The following RELN variants were observed in gnomAD, a reference collection of about 807,000 sequenced individuals.
The protein encoded by RELN is reelin.
In RELN, 108 loss-of-function variants were observed where a neutral mutation model predicts 427.6. The observed-to-expected ratio is 0.25, with a 90% CI of 0.22 to 0.30. The LOEUF is 0.30. Among genes scored for constraint, RELN ranks in the 10% least tolerant of loss-of-function variants. RELN has a pLI of 1.00. For synonymous variants in RELN, 1,524 were observed against 1,513.4 expected, an observed-to-expected ratio of 1.01 and a Z score of -0.16; for missense variants, 3,715 against 4,302.8, an observed-to-expected ratio of 0.86 and a Z score of 3.82.
At chr7:103,789,171 T>C (rs116251980) in intron 3 of RELN, among the ~76,000 whole-genome samples, 3,058 of 152,174 alleles carry the variant, frequency 0.02, 99 homozygotes, top group African/African-American at 0.067. Flanking sequence ...CTTTCTTACA[T>C]CTTACACAAA....
At chr7:103,712,881 G>T (rs1383437144) in intron 8 of RELN, among the ~76,000 whole-genome samples, 1 of 148,796 alleles carries the variant, frequency 6.7e-6, no homozygotes, top group Non-Finnish European at 1.5e-5. Context: ...GTTTTGGGTA[G>T]TTTTTTTTTT....
chr7:103,776,224 C>G (rs1276301630), intron 4 of RELN, among the ~76,000 whole-genome samples: 1 of 152,034 alleles, frequency 6.6e-6, no homozygotes, highest in African/African-American at 2.4e-5. Context: ...TTCAACAAAG[C>G]TGACAGGATA....
chr7:103,551,923 C>CTG (rs540905474), intron 40 of RELN, among the ~76,000 whole-genome samples: 178 of 130,954 alleles, frequency 1.4e-3, no homozygotes, highest in Non-Finnish European at 2.3e-3. Flanking sequence ...TAGTTACCTT[C>CTG]TGTGTGTGTG....
At chr7:103,557,285 C>A in intron 37 of RELN, 126 bp from the exon 38 acceptor site, 2 of 818,076 alleles carry the variant, frequency 2.4e-6, no homozygotes, top group Non-Finnish European at 4.0e-6. Context: ...CTTTATAGTC[C>A]AAATGCTTCA....
intron 59 of RELN, 94 bp from the exon 60 acceptor site, chr7:103,489,993 G>T: frequency 1.4e-6 from 2 of 1,445,746 alleles, no homozygotes; most frequent in Non-Finnish European, 1.9e-6. Context: ...GACTATTTGT[G>T]AGAAAAGGGC....
chr7:103,485,152 C>T lies in RELN; in HGVS notation c.9983+1045G>A, dbSNP rs534030951. On this transcript the variant is annotated intron_variant, in intron 61 of 64. Transcript: ENST00000428762. ...ATAGTGTGCCATTGCTAACTATGCACCTAGTTGCAGCTATATATGATGATG... is the reference window on the plus strand; with the variant it reads ...ATAGTGTGCCATTGCTAACTATGCATCTAGTTGCAGCTATATATGATGATG... 2.7e-5 allele frequency among the ~76,000 whole-genome samples: 4 copies of T among 149,128 alleles called. No homozygotes were observed. In the South Asian group the frequency reaches 6.4e-4, roughly 24 times the overall value.
chr7:103,871,758 C>A (rs1337385664), intron 2 of RELN, among the ~76,000 whole-genome samples: 1 of 152,022 alleles, frequency 6.6e-6, no homozygotes, highest in Non-Finnish European at 1.5e-5. Flanking sequence ...AATGGAAGAG[C>A]AAAACAACAT....
intron 49 of RELN, among the ~76,000 whole-genome samples, chr7:103,515,875 T>C (rs551410591): frequency 6.6e-6 from 1 of 152,186 alleles, no homozygotes; most frequent in Non-Finnish European, 1.5e-5. Flanking sequence ...TGCTGGCAAG[T>C]GACTTGGGGT....
At chr7:103,478,276 ATTTT>A (rs767713233) in intron 64 of RELN, 109 bp downstream of exon 64, 8 of 574,016 alleles carry the variant, frequency 1.4e-5, no homozygotes, top group East Asian at 2.9e-5. Context: ...GTTTTCATAG[ATTTT>A]TTTTTTTTTT....
chr7:103,972,898 G>A (rs1280434271), intron 1 of RELN, among the ~76,000 whole-genome samples: 2 of 151,204 alleles, frequency 1.3e-5, no homozygotes, highest in Admixed American at 1.3e-4. Flanking sequence ...ATGATTATGT[G>A]TGTGTGTGTG....
At chr7:103,789,711 AG>A (rs1419709889) in intron 3 of RELN, among the ~76,000 whole-genome samples, 22 of 152,354 alleles carry the variant, frequency 1.4e-4, no homozygotes, top group African/African-American at 5.3e-4. Flanking sequence ...GTGGAGAAAT[AG>A]GAATGTTATT....
intron 10 of RELN, among the ~76,000 whole-genome samples, chr7:103,688,205 GA>G (rs1367920117): frequency 6.6e-6 from 1 of 152,010 alleles, no homozygotes; most frequent in Non-Finnish European, 1.5e-5. Flanking sequence ...GATTCTTAAT[GA>G]AAAAAGACAT....
At chr7:103,922,630 C>A (rs148679570) in intron 1 of RELN, among the ~76,000 whole-genome samples, 85 of 152,200 alleles carry the variant, frequency 5.6e-4, no homozygotes, top group African/African-American at 2.0e-3. Flanking sequence ...CAAAGAGTAC[C>A]TCTGTCTTGA....
intron 16 of RELN, among the ~76,000 whole-genome samples, chr7:103,643,363 T>A (rs1832732428): frequency 6.6e-6 from 1 of 152,050 alleles, no homozygotes; most frequent in Non-Finnish European, 1.5e-5. Context: ...TACCTGTAAT[T>A]AAAATAAGAA....
Position 103,834,279 on chromosome 7 carries a change from T to C in RELN, c.338-607A>G, listed in dbSNP as rs184848650. 2.7e-3 allele frequency among the ~76,000 whole-genome samples: 417 copies of C among 152,314 alleles called. 6 individuals carry two copies. The highest frequency in any genetic ancestry group is 2.5e-3 in the Non-Finnish European group (173 of 68,026). The stretch of plus-strand genomic sequence containing the variant: ...GGATGGGGTGAGGCTAAATCTGTGA[T>C]TGGCAGAAAAGCAACAGCAGTCCTA... On this transcript the variant is annotated intron_variant, in intron 2 of 64. Transcript: ENST00000428762.
intron 2 of RELN, among the ~76,000 whole-genome samples, chr7:103,844,284 C>A (rs778891758): frequency 2.0e-5 from 3 of 152,300 alleles, no homozygotes; most frequent in Non-Finnish European, 4.4e-5. Flanking sequence ...TCTTTTCTCT[C>A]TCTCCTCAAT....
chr7:103,489,203 G>GTGTGGGTGTGTGT (rs1828558083), intron 60 of RELN, among the ~76,000 whole-genome samples: 2 of 147,768 alleles, frequency 1.4e-5, no homozygotes, highest in African/African-American at 2.5e-5. Flanking sequence ...GTCATAAAGG[G>GTGTGGGTGTGTGT]GTGTGTGTGT....
At chr7:103,657,935 A>T (rs1833055992) in intron 12 of RELN, among the ~76,000 whole-genome samples, 1 of 152,148 alleles carries the variant, frequency 6.6e-6, no homozygotes, top group Non-Finnish European at 1.5e-5. Flanking sequence ...ATTTTTAAAG[A>T]ATAATAATAG....
At chr7:103,641,726 A>T (rs1342364232) in intron 16 of RELN, among the ~76,000 whole-genome samples, 1 of 152,182 alleles carries the variant, frequency 6.6e-6, no homozygotes, top group East Asian at 1.9e-4. Flanking sequence ...AATCAGCACC[A>T]TACTGAGGTC....
Sources: gnomAD v4.1 joint callset for allele counts (sites outside exome capture counted in the v4.1 genomes callset) on GRCh38, gnomAD v4.1.1 for gene constraint, MANE v1.5 for transcripts, NCBI Gene and HGNC (gene_info 2026-07-23, HGNC 2026-07-21) for gene names.